ZFHX3: variants seen among roughly 807,000 people sequenced by gnomAD.
ZFHX3 encodes zinc finger homeobox 3.
In ZFHX3, 42 loss-of-function variants were observed where a neutral mutation model predicts 279.1. The observed-to-expected ratio is 0.15, with a 90% CI of 0.12 to 0.19. The LOEUF is 0.19. Among genes scored for constraint, ZFHX3 ranks in the 10% least tolerant of loss-of-function variants. The pLI is 1.00. For missense variants in ZFHX3, 4,981 were observed against 4,754.0 expected, an observed-to-expected ratio of 1.05 and a Z score of -1.40; for synonymous variants, 2,293 against 1,957.8, an observed-to-expected ratio of 1.17 and a Z score of -4.52.
At chr16:73,056,319 T>C (rs1241601603) in intron 1 of ZFHX3, among the ~76,000 whole-genome samples, 1 of 152,148 alleles carries the variant, frequency 6.6e-6, no homozygotes, top group Non-Finnish European at 1.5e-5. Flanking sequence ...CTTTTGACAC[T>C]GCGTCAATCT....
At chr16:72,903,551 T>C (rs2039093292) in intron 3 of ZFHX3, among the ~76,000 whole-genome samples, 1 of 152,130 alleles carries the variant, frequency 6.6e-6, no homozygotes, top group Non-Finnish European at 1.5e-5. Flanking sequence ...TAGAAAACCG[T>C]ATTCTTACTG....
At chr16:72,981,959 T>A (rs933309928) in intron 1 of ZFHX3, among the ~76,000 whole-genome samples, 12 of 149,176 alleles carry the variant, frequency 8.0e-5, no homozygotes, top group Non-Finnish European at 1.0e-4. Context: ...CTCGGCTCAC[T>A]GCAACCTCCA....
intron 2 of ZFHX3, among the ~76,000 whole-genome samples, chr16:73,649,663 C>T (rs1284399549): frequency 6.6e-6 from 1 of 152,140 alleles, no homozygotes; most frequent in Non-Finnish European, 1.5e-5. Flanking sequence ...TCCAGTGCAC[C>T]GTGCTTCCTA....
intron 1 of ZFHX3, among the ~76,000 whole-genome samples, chr16:73,739,012 A>G (rs2053631610): frequency 6.6e-6 from 1 of 152,128 alleles, no homozygotes; most frequent in Non-Finnish European, 1.5e-5. Flanking sequence ...CATAACCCCT[A>G]GGCACCAGCA....
chr16:72,955,115 C>T (rs1234258024), intron 2 of ZFHX3, among the ~76,000 whole-genome samples: 3 of 152,180 alleles, frequency 2.0e-5, no homozygotes, highest in Admixed American at 6.5e-5. Context: ...GCCCCCACAC[C>T]CACTCGAGCT....
intron 1 of ZFHX3, among the ~76,000 whole-genome samples, chr16:73,796,041 G>A (rs537356362): frequency 3.4e-4 from 52 of 152,326 alleles, no homozygotes; most frequent in African/African-American, 1.1e-3. Flanking sequence ...GCAAATTGGG[G>A]AACAGCAGAG....
chr16:73,706,644 A>T (rs140184343), intron 1 of ZFHX3, among the ~76,000 whole-genome samples: 1 of 152,190 alleles, frequency 6.6e-6, no homozygotes, highest in East Asian at 1.9e-4. Flanking sequence ...GCCCCAGAAG[A>T]TCTGATGAAC....
intron 5 of ZFHX3, among the ~76,000 whole-genome samples, chr16:73,148,476 T>C (rs561313448): frequency 1.3e-5 from 2 of 151,810 alleles, no homozygotes; most frequent in Non-Finnish European, 2.9e-5. Context: ...GGATACTTCT[T>C]TAAGGTCCTA....
chr16:73,021,200 G>T (rs1410398243), intron 1 of ZFHX3, among the ~76,000 whole-genome samples: 1 of 152,180 alleles, frequency 6.6e-6, no homozygotes, highest in Non-Finnish European at 1.5e-5. Flanking sequence ...AGACTGAAGG[G>T]GTTTAGAGCA....
chr16:72,871,446 A>G (rs2038159003), intron 4 of ZFHX3, among the ~76,000 whole-genome samples: 2 of 151,688 alleles, frequency 1.3e-5, no homozygotes, highest in African/African-American at 4.8e-5. Flanking sequence ...GGTTCAAGCA[A>G]TTTTCCTGCC....
chr16:73,003,620 C>T (rs527984735), intron 1 of ZFHX3, among the ~76,000 whole-genome samples: 17 of 151,172 alleles, frequency 1.1e-4, no homozygotes, highest in Non-Finnish European at 2.4e-4. Flanking sequence ...GCAGGAGAGT[C>T]GCCTGAACCA....
chr16:73,475,415 A>G (rs1480658492), intron 2 of ZFHX3, among the ~76,000 whole-genome samples: 1 of 152,308 alleles, frequency 6.6e-6, no homozygotes, highest in South Asian at 2.1e-4. Context: ...TAGCAGAACA[A>G]TACTGTTTAG....
At chr16:73,262,703 G>C (rs1475564692) in intron 4 of ZFHX3, among the ~76,000 whole-genome samples, 16 of 152,148 alleles carry the variant, frequency 1.1e-4, no homozygotes, top group Admixed American at 1.0e-3. Context: ...TCAAGAAAAA[G>C]AGTGTTTTTC....
chr16:73,057,623 A>C (rs1311741770), intron 1 of ZFHX3, among the ~76,000 whole-genome samples: 4 of 151,756 alleles, frequency 2.6e-5, no homozygotes, highest in East Asian at 3.9e-4. Context: ...TGGCGGAAGA[A>C]GGCCGGCCGG....
chr16:73,745,979 A>G (rs955856131), intron 1 of ZFHX3, among the ~76,000 whole-genome samples: 4 of 152,178 alleles, frequency 2.6e-5, no homozygotes, highest in African/African-American at 9.6e-5. Flanking sequence ...TTCTGAATGA[A>G]TGTTACTTGT....
chr16:72,793,105 G>T lies in ZFHX3; in HGVS notation c.9427+150C>A, dbSNP rs1203318090. On this transcript the variant is annotated intron_variant, in intron 9 of 9. Coordinates refer to ENST00000268489, the MANE Select transcript of ZFHX3 (RefSeq NM_006885.4). This position sits in a 1 kb window ranked among gnomAD's most constrained non-coding sequence, Gnocchi z 4.3. Reference sequence around the variant, plus strand: ...CACCAGTACTTGGGAGACTCAACAGGAACGAACTGAAGTCTTGTTGCTTTT... The same window carrying T: ...CACCAGTACTTGGGAGACTCAACAGTAACGAACTGAAGTCTTGTTGCTTTT... 7.7e-5 allele frequency: 109 copies of T among 1,407,714 alleles called. No individual in the cohort carries two copies. Among genetic ancestry groups the T allele is most frequent in the Non-Finnish European group, 9.9e-5 (104 of 1,053,044 alleles). The allele number at this position is 1,407,714 out of a possible 1,614,324, so 87.2% of individuals were successfully genotyped here.
At chr16:73,606,777 A>T (rs1034806411) in intron 2 of ZFHX3, among the ~76,000 whole-genome samples, 1 of 152,010 alleles carries the variant, frequency 6.6e-6, no homozygotes, top group Non-Finnish European at 1.5e-5. Flanking sequence ...GTTTCCCCAC[A>T]TGTGTCCATG....
intron 3 of ZFHX3, among the ~76,000 whole-genome samples, chr16:72,925,462 T>C (rs1959398105): frequency 6.6e-6 from 1 of 152,240 alleles, no homozygotes; most frequent in Non-Finnish European, 1.5e-5. Context: ...GGTACAGGCA[T>C]GTCACAGGTC....
Position 72,796,451 on chromosome 16 carries a change from T to G in ZFHX3, c.6231A>C (p.Ala2077=), listed in dbSNP as rs1303259961. Residue 2077 remains alanine (A), a synonymous_variant, in exon 9 of 10, where the codon GCA becomes GCC. Transcript: ENST00000268489. ...SAPPITSPTI[A]PAQPSVPLTQ... is the part of the protein sequence containing the mutation. ...TGAGCGGCACTGATGGCTGGGCCGG[T>G]GCAATTGTAGGTGAGGTGATGGGTG... The G allele has an allele frequency of 6.2e-7, 1 of 1,606,964 alleles. No individual in the cohort carries two copies. The highest frequency in any genetic ancestry group is 2.2e-5 in the East Asian group (1 of 44,666).
Sources: gnomAD v4.1 joint callset for allele counts (sites outside exome capture counted in the v4.1 genomes callset) on GRCh38, gnomAD v4.1.1 for gene constraint, Gnocchi (gnomAD v3.1) non-coding constraint, MANE v1.5 for transcripts, NCBI Gene and HGNC (gene_info 2026-07-23, HGNC 2026-07-21) for gene names.